The following SYT7 variants were observed in gnomAD, a reference collection of about 807,000 sequenced individuals.
SYT7 encodes synaptotagmin 7, also known as synaptotagmin-7.
Under a neutral mutation model 75.1 loss-of-function variants are expected in SYT7, and 29 were observed. The ratio of observed to expected loss-of-function variants is 0.39; its 90% CI spans 0.29 to 0.53. SYT7 has a LOEUF of 0.53. Ranked by LOEUF, SYT7 falls within the 20% of genes least tolerant of loss-of-function variation. The pLI, the probability that SYT7 is intolerant of heterozygous loss-of-function variation, is 0.77. For missense variants in SYT7, 693 were observed against 953.2 expected (o/e 0.73, Z 3.59); for synonymous variants, 376 against 401.7 (o/e 0.94, Z 0.76).
At chr11:61,565,984 A>G (rs546175153) in intron 1 of SYT7, among the ~76,000 whole-genome samples, 44 of 152,390 alleles carry the variant, frequency 2.9e-4, no homozygotes, top group African/African-American at 1.0e-3. Flanking sequence ...TGAATGAAGG[A>G]TTATCTGGAT....
rs1188758388 is a variant in SYT7, at chr11:61,523,811, T to C, written c.1756+16A>G. ...CCTCCCCGGCCCGCCCATCCTCTGC[T>C]GGAGAAGCCCCGTACCTGATGTGCC... On this transcript the variant is annotated intron_variant, in intron 11 of 12. Transcript: ENST00000539008. The surrounding 1 kb of genome is among the most constrained non-coding windows in gnomAD (Gnocchi z 5.0). 2 of 1,612,200 alleles carry C rather than the reference T, an allele frequency of 1.2e-6. No homozygotes were observed. Among genetic ancestry groups the C allele is most frequent in the Non-Finnish European group, 8.5e-7 (1 of 1,178,442 alleles).
chr11:61,538,181 C>T lies in SYT7; in HGVS notation c.1027G>A (p.Gly343Arg). 6.5e-7 allele frequency: 1 copy of T among 1,536,086 alleles called. No homozygotes were observed. Among genetic ancestry groups the T allele is most frequent in the Non-Finnish European group, 8.7e-7 (1 of 1,146,872 alleles). Reference sequence around the variant, plus strand: ...TGAGCGTTCTGGTTCTGCTGGGTTCCTGGGTTTTGCAGGTCAGGGATATTG... The same window carrying T: ...TGAGCGTTCTGGTTCTGCTGGGTTCTTGGGTTTTGCAGGTCAGGGATATTG... ...FANIPDLQNP[G>R]TQQNQNAQGD... Residue 343 changes from glycine (G) to arginine (R), a missense_variant, in exon 7 of 13, where the codon GGA becomes AGA. By Grantham distance (125) the Gly-to-Arg change is moderately radical. Coordinates refer to ENST00000539008, the MANE Select transcript of SYT7 (RefSeq NM_001365809.2).
chr11:61,533,183 C>T (rs761215251), intron 7 of SYT7, 59 bp from the exon 8 acceptor site: 154 of 1,498,058 alleles, frequency 1.0e-4, no homozygotes, highest in East Asian at 6.1e-4. Flanking sequence ...TTGGGCACCC[C>T]GGCCTGGGGG....
At chr11:61,584,650 C>T (rs1590980867), upstream of SYT7, among the ~76,000 whole-genome samples, 1 of 152,196 alleles carries the variant, frequency 6.6e-6, no homozygotes, top group South Asian at 2.1e-4. Context: ...CTTCTAGGAG[C>T]TGCTGGGCTC....
the SYT7 span, among the ~76,000 whole-genome samples, chr11:61,587,783 C>A: frequency 3.1e-3 from 477 of 152,378 alleles, 7 homozygotes; most frequent in South Asian, 0.04. Context: ...CCACCCCGAG[C>A]GCCCCGAGTA....
At chr11:61,587,938 C>G in the SYT7 span, among the ~76,000 whole-genome samples, 23 of 152,322 alleles carry the variant, frequency 1.5e-4, no homozygotes, top group East Asian at 4.1e-3. Context: ...GGGCGGGGGA[C>G]ATGACTCTCT....
chr11:61,563,842 C>G (rs756185088), intron 1 of SYT7, among the ~76,000 whole-genome samples: 3 of 152,158 alleles, frequency 2.0e-5, no homozygotes, highest in Admixed American at 6.5e-5. Context: ...TGTGTCCTTC[C>G]CCAACTGGGA....
At chr11:61,570,931 G>T (rs547923380) in intron 1 of SYT7, among the ~76,000 whole-genome samples, 1 of 152,284 alleles carries the variant, frequency 6.6e-6, no homozygotes, top group South Asian at 2.1e-4. Flanking sequence ...ACTGTGACAG[G>T]CACAGTTCTA....
intron 3 of SYT7, among the ~76,000 whole-genome samples, chr11:61,548,843 C>A (rs1256919637): frequency 6.6e-6 from 1 of 152,236 alleles, no homozygotes; most frequent in Non-Finnish European, 1.5e-5. Context: ...CGTTGGGCAT[C>A]CCTGCTGTAG....
chr11:61,549,080 T>C (rs2063273608), intron 3 of SYT7, among the ~76,000 whole-genome samples: 1 of 152,160 alleles, frequency 6.6e-6, no homozygotes, highest in African/African-American at 2.4e-5. Context: ...GGGGCCTCCC[T>C]GCGTCAGGTA....
chr11:61,536,769 C>A (rs1421818022), intron 7 of SYT7, among the ~76,000 whole-genome samples: 1 of 152,196 alleles, frequency 6.6e-6, no homozygotes. Flanking sequence ...GAGGGACAGG[C>A]AAGCCAGCCA....
At chr11:61,556,245 A>G in intron 1 of SYT7, 38 bp from the exon 2 acceptor site, 2 of 1,558,636 alleles carry the variant, frequency 1.3e-6, no homozygotes, top group Non-Finnish European at 1.8e-6. Flanking sequence ...CTCATTGGCC[A>G]GGGCCTGCCA....
At chr11:61,537,803 G>A (rs991675506) in intron 7 of SYT7, among the ~76,000 whole-genome samples, 1 of 152,198 alleles carries the variant, frequency 6.6e-6, no homozygotes, top group Non-Finnish European at 1.5e-5. Context: ...TTTCCAGTTG[G>A]GGTGGGGACA....
In SYT7 at chr11:61,580,947, G is replaced by T; in HGVS notation, c.-127C>A. On this transcript the variant is annotated 5_prime_UTR_variant, in exon 1 of 13. Transcript: ENST00000539008. This position sits in a 1 kb window ranked among gnomAD's most constrained non-coding sequence, Gnocchi z 6.1. The stretch of plus-strand genomic sequence containing the variant: ...GCGGGTCCGAGGGCGGGGGCCGAGC[G>T]GGCTGCACCTAGCCGCGGAGCCGGG... 1.0e-6 allele frequency: 1 copy of T among 1,001,876 alleles called. No homozygotes were observed. Among genetic ancestry groups the T allele is most frequent in the African/African-American group, 1.7e-5 (1 of 57,238 alleles). The allele number at this position is 1,001,876 out of a possible 1,614,324, so 62.1% of individuals were successfully genotyped here.
At chr11:61,530,411 C>T (rs1051211069) in intron 8 of SYT7, among the ~76,000 whole-genome samples, 8 of 152,194 alleles carry the variant, frequency 5.3e-5, no homozygotes, top group African/African-American at 1.4e-4. Context: ...TTTTTCCCGA[C>T]GCTCTTTTCC....
intron 1 of SYT7, among the ~76,000 whole-genome samples, chr11:61,575,005 C>T (rs1193621552): frequency 6.6e-6 from 1 of 152,000 alleles, no homozygotes. Flanking sequence ...TGGCTGGTGG[C>T]AGGGTGCATG....
intron 1 of SYT7, among the ~76,000 whole-genome samples, chr11:61,564,807 T>A (rs2063724732): frequency 6.6e-6 from 1 of 152,186 alleles, no homozygotes. Flanking sequence ...ACACACCTTT[T>A]CTGGGGCTCC....
chr11:61,528,214 T>C, intron 8 of SYT7, 29 bp from the exon 9 acceptor site: 2 of 1,602,192 alleles, frequency 1.2e-6, no homozygotes, highest in Non-Finnish European at 1.7e-6. Flanking sequence ...CCGGCAGGGT[T>C]TGGGGAGGAT....
At chr11:61,568,282 C>G (rs1414813389) in intron 1 of SYT7, among the ~76,000 whole-genome samples, 1 of 152,190 alleles carries the variant, frequency 6.6e-6, no homozygotes, top group Admixed American at 6.5e-5. Flanking sequence ...AGAGATTCTC[C>G]CCCTTCCAAA....
Sources: allele counts gnomAD v4.1 joint callset (sites outside exome capture counted in the v4.1 genomes callset), GRCh38; gene constraint gnomAD v4.1.1; non-coding constraint Gnocchi (gnomAD v3.1); transcripts MANE v1.5; gene names NCBI Gene and HGNC (gene_info 2026-07-23, HGNC 2026-07-21).